The following PLXNA4 variants were observed in gnomAD, a reference collection of about 807,000 sequenced individuals.
The protein encoded by PLXNA4 is plexin A4, also known as plexin-A4.
Under a neutral mutation model 191.8 loss-of-function variants are expected in PLXNA4, and 44 were observed. The observed-to-expected ratio is 0.23, with a 90% CI of 0.18 to 0.29. The LOEUF is 0.29. Ranked by LOEUF, PLXNA4 falls within the 10% of genes least tolerant of loss-of-function variation. The pLI is 1.00. For missense variants in PLXNA4, 1,800 were observed against 2,488.8 expected (o/e 0.72, Z 5.89); for synonymous variants, 1,082 against 1,009.5 (o/e 1.07, Z -1.36).
chr7:132,604,724 T>C (rs1184904079), intron 2 of PLXNA4, among the ~76,000 whole-genome samples: 1 of 150,182 alleles, frequency 6.7e-6, no homozygotes, highest in African/African-American at 2.4e-5. Flanking sequence ...TGAACTAAAC[T>C]TATCATTATT....
intron 1 of PLXNA4, among the ~76,000 whole-genome samples, chr7:132,533,125 C>T (rs555704028): frequency 2.0e-5 from 3 of 152,318 alleles, no homozygotes; most frequent in South Asian, 4.1e-4. Flanking sequence ...CTACTTTGCA[C>T]TTGCCATAAT....
chr7:132,370,087 G>A (rs1291805022), intron 3 of PLXNA4, among the ~76,000 whole-genome samples: 1 of 147,024 alleles, frequency 6.8e-6, no homozygotes, highest in Non-Finnish European at 1.5e-5. Context: ...AAAAAAAAAG[G>A]TATGCAGTGT....
intron 2 of PLXNA4, among the ~76,000 whole-genome samples, chr7:132,594,489 G>T (rs1457101167): frequency 6.6e-6 from 1 of 152,168 alleles, no homozygotes; most frequent in Non-Finnish European, 1.5e-5. Context: ...AAACTAATGG[G>T]CTCGTTTTCT....
intron 1 of PLXNA4, among the ~76,000 whole-genome samples, chr7:132,563,667 T>TCTCCTCCTCTTTCTCCTCCTCCTC (rs1563176616): frequency 1.6e-3 from 44 of 27,006 alleles, no homozygotes; most frequent in Non-Finnish European, 2.7e-3. Flanking sequence ...TCCTCCTCCT[T>TCTCCTCCTCTTTCTCCTCCTCCTC]CTCCTCCTCT....
At chr7:132,387,976 C>T (rs754075032) in intron 3 of PLXNA4, among the ~76,000 whole-genome samples, 74 of 152,164 alleles carry the variant, frequency 4.9e-4, no homozygotes, top group Non-Finnish European at 1.0e-3. Flanking sequence ...CTCCCTCCCG[C>T]GGCATGTCTC....
chr7:132,504,292 T>A (rs1798371558), intron 2 of PLXNA4, among the ~76,000 whole-genome samples: 1 of 152,214 alleles, frequency 6.6e-6, no homozygotes, highest in Non-Finnish European at 1.5e-5. Context: ...ACAAGGGGCC[T>A]TGTAGTAGGG....
At chr7:132,185,028 T>G (rs1341362301) in intron 16 of PLXNA4, among the ~76,000 whole-genome samples, 3 of 152,136 alleles carry the variant, frequency 2.0e-5, no homozygotes, top group Non-Finnish European at 4.4e-5. Flanking sequence ...CATAGGGACA[T>G]GGCCTCCAGC....
At chr7:132,261,211 CT>C (rs1446227400) in intron 4 of PLXNA4, among the ~76,000 whole-genome samples, 7 of 152,192 alleles carry the variant, frequency 4.6e-5, no homozygotes, top group African/African-American at 1.7e-4. Flanking sequence ...AGTACTGGGG[CT>C]GCTGCAAAGG....
chr7:132,569,577 C>A (rs1334769855), intron 1 of PLXNA4, among the ~76,000 whole-genome samples: 1 of 152,248 alleles, frequency 6.6e-6, no homozygotes, highest in African/African-American at 2.4e-5. Context: ...TCTAGACTAA[C>A]CTCCTCATTT....
chr7:132,189,030 AAGAGAGAGAGAG>A (rs3085197), intron 14 of PLXNA4, among the ~76,000 whole-genome samples: 13 of 61,946 alleles, frequency 2.1e-4, no homozygotes, highest in East Asian at 4.7e-4. Context: ...GAGAGAGAGA[AAGAGAGAGAGAG>A]AGAGAGAGAG....
chr7:132,605,418 G>A (rs957121168), intron 2 of PLXNA4, among the ~76,000 whole-genome samples: 4 of 152,146 alleles, frequency 2.6e-5, no homozygotes, highest in African/African-American at 7.2e-5. Context: ...AGGATTTGGG[G>A]ACAAGGCAGA....
At chr7:132,141,432 C>T (rs1795266150) in intron 29 of PLXNA4, among the ~76,000 whole-genome samples, 1 of 152,212 alleles carries the variant, frequency 6.6e-6, no homozygotes, top group Admixed American at 6.5e-5. Flanking sequence ...CCCTCCTTCC[C>T]CTCCAGTTGG....
chr7:132,124,527 T>TAACA lies in PLXNA4; in HGVS notation c.*5948_*5951dup, dbSNP rs1160942655. 5 of 152,230 alleles carry TAACA rather than the reference T, an allele frequency of 3.3e-5. No individual in the cohort carries two copies. Among genetic ancestry groups the TAACA allele is most frequent in the African/African-American group, 1.2e-4 (5 of 41,456 alleles). 9.4% of individuals were successfully genotyped at this position (152,230 alleles called of 1,614,324 possible). A position where few individuals can be genotyped will look rare whatever the true frequency, so the allele number is the denominator to read the frequency against. On this transcript the variant is annotated 3_prime_UTR_variant, in exon 32 of 32. Transcript: ENST00000321063. ...GCTTGAGTCAAAAGATCAAAGATAC[T>TAACA]AACAAAGGAAGTTCTAATTCCAAAT... is the stretch of plus-strand genomic sequence containing the variant.
At chr7:132,148,458 T>A (rs1795499044) in intron 26 of PLXNA4, 85 bp downstream of exon 26, 1 of 1,566,884 alleles carries the variant, frequency 6.4e-7, no homozygotes, top group African/African-American at 1.3e-5. Context: ...GGGCTTGGTG[T>A]CTACCCCTGT....
intron 3 of PLXNA4, among the ~76,000 whole-genome samples, chr7:132,362,518 C>T (rs938542386): frequency 2.0e-5 from 3 of 152,186 alleles, no homozygotes; most frequent in East Asian, 1.9e-4. Context: ...GCAACTTGCA[C>T]GCTAACTCTG....
At chr7:132,396,368 A>C (rs1471395598) in intron 3 of PLXNA4, among the ~76,000 whole-genome samples, 1 of 152,230 alleles carries the variant, frequency 6.6e-6, no homozygotes, top group Non-Finnish European at 1.5e-5. Context: ...CAGCACTGTA[A>C]GATAAGCACT....
chr7:132,179,451 C>T lies in PLXNA4; in HGVS notation c.3874+236G>A, dbSNP rs528214336. Among the ~76,000 whole-genome samples the T allele has an allele frequency of 2.0e-5, 3 of 151,258 alleles. No individual in the cohort carries two copies. The East Asian group carries it at 5.9e-4, about 30-fold the overall frequency. On this transcript the variant is annotated intron_variant, in intron 20 of 31. Coordinates refer to ENST00000321063, the MANE Select transcript of PLXNA4 (RefSeq NM_020911.2). ...ATACAGCCTCCAGCACTGCTCACTG[C>T]TGCCCGGCCTGCTTGCTTGTATATG... is the stretch of plus-strand genomic sequence containing the variant.
At chr7:132,179,453 GC>G (rs1796627631) in intron 20 of PLXNA4, among the ~76,000 whole-genome samples, 1 of 147,976 alleles carries the variant, frequency 6.8e-6, no homozygotes, top group African/African-American at 2.6e-5. Flanking sequence ...GCTCACTGCT[GC>G]CCGGCCTGCT....
At chr7:132,332,992 C>T (rs748540691) in intron 3 of PLXNA4, among the ~76,000 whole-genome samples, 1 of 152,136 alleles carries the variant, frequency 6.6e-6, no homozygotes. Flanking sequence ...CTTTCTTGCT[C>T]TCTCTCACTC....
Sources: allele counts gnomAD v4.1 joint callset (sites outside exome capture counted in the v4.1 genomes callset), GRCh38; gene constraint gnomAD v4.1.1; transcripts MANE v1.5; gene names NCBI Gene and HGNC (gene_info 2026-07-23, HGNC 2026-07-21).